EPHA6: variants seen among roughly 807,000 people sequenced by gnomAD.
The protein encoded by EPHA6 is EPH receptor A6.
A neutral mutation model predicts 112.0 loss-of-function variants in EPHA6; 50 were observed. That is an observed-to-expected ratio of 0.45 (90% CI 0.36 to 0.56). EPHA6 has a LOEUF of 0.56. EPHA6 is among the 20% of genes least tolerant of loss of function. EPHA6 has a pLI of 0.00. For synonymous variants in EPHA6, 529 were observed against 490.7 expected (o/e 1.08, Z -1.03); for missense variants, 1,280 against 1,417.4 (o/e 0.90, Z 1.56).
At chr3:96,936,807 T>C (rs1011351494) in intron 2 of EPHA6, among the ~76,000 whole-genome samples, 2 of 152,152 alleles carry the variant, frequency 1.3e-5, no homozygotes, top group Non-Finnish European at 2.9e-5. Context: ...CCCCTTCCTG[T>C]GTCCATGTGT....
intron 1 of EPHA6, among the ~76,000 whole-genome samples, chr3:96,824,822 A>G (rs1426512463): frequency 6.6e-6 from 1 of 152,050 alleles, no homozygotes; most frequent in African/African-American, 2.4e-5. Context: ...TATATTGGTC[A>G]TGACCATATG....
At chr3:97,651,431 A>C (rs749488463) in intron 14 of EPHA6, among the ~76,000 whole-genome samples, 46 of 152,064 alleles carry the variant, frequency 3.0e-4, no homozygotes, top group Admixed American at 1.2e-3. Context: ...AAGGATATCT[A>C]TAGCCTGGAT....
At chr3:96,831,947 G>T (rs1008518328) in intron 1 of EPHA6, among the ~76,000 whole-genome samples, 1 of 152,134 alleles carries the variant, frequency 6.6e-6, no homozygotes, top group South Asian at 2.1e-4. Flanking sequence ...TCTTCTCCTT[G>T]TATAACTCAG....
intron 8 of EPHA6, 85 bp from the exon 9 acceptor site, chr3:97,479,209 C>G: frequency 1.3e-6 from 1 of 743,574 alleles, no homozygotes; most frequent in Non-Finnish European, 2.0e-6. Flanking sequence ...GAAATTTGTT[C>G]ATAGATTATA....
In EPHA6 at chr3:97,708,852, G is replaced by A. The variant is rs149377452; in HGVS notation, c.2785-11409G>A. Among the ~76,000 whole-genome samples the A allele has an allele frequency of 5.9e-3, 906 of 152,346 alleles. 4 individuals are homozygous for A. The highest frequency in any genetic ancestry group is 9.6e-3 in the Non-Finnish European group (650 of 68,036). ...GGCCATTGCTTCAGAGGGTGCAAGC[G>A]TCAGGCCTTGGTGGCTTCCATGTGA... is the stretch of plus-strand genomic sequence containing the variant. On this transcript the variant is annotated intron_variant, in intron 14 of 17. Coordinates refer to ENST00000389672, the MANE Select transcript of EPHA6 (RefSeq NM_001080448.3).
chr3:97,632,081 T>C (rs2093907922), intron 13 of EPHA6, among the ~76,000 whole-genome samples: 1 of 152,058 alleles, frequency 6.6e-6, no homozygotes, highest in Admixed American at 6.6e-5. Flanking sequence ...TCCTCAAAAG[T>C]GGAGACGGCT....
intron 5 of EPHA6, among the ~76,000 whole-genome samples, chr3:97,401,950 A>G (rs772849126): frequency 4.0e-4 from 61 of 151,680 alleles, no homozygotes; most frequent in Non-Finnish European, 1.0e-4. Context: ...TTTAATTTCC[A>G]CGTGTTTGTG....
chr3:97,006,412 C>G (rs78865316), intron 3 of EPHA6, among the ~76,000 whole-genome samples: 1 of 152,120 alleles, frequency 6.6e-6, no homozygotes, highest in South Asian at 2.1e-4. Context: ...TTATAGTATT[C>G]TCCAATGGTG....
At chr3:97,269,268 C>T (rs1410561730) in intron 5 of EPHA6, among the ~76,000 whole-genome samples, 1 of 151,956 alleles carries the variant, frequency 6.6e-6, no homozygotes, top group African/African-American at 2.4e-5. Flanking sequence ...TTCATTGTTC[C>T]CCTTGCTCTT....
At chr3:96,968,076 T>TACA (rs2042190455) in intron 2 of EPHA6, among the ~76,000 whole-genome samples, 2 of 151,896 alleles carry the variant, frequency 1.3e-5, no homozygotes, top group African/African-American at 4.8e-5. Context: ...TTCTGTAGTT[T>TACA]ACAATGTAGT....
chr3:96,884,862 G>A (rs893208941), intron 2 of EPHA6, among the ~76,000 whole-genome samples: 3 of 152,136 alleles, frequency 2.0e-5, no homozygotes, highest in Non-Finnish European at 4.4e-5. Flanking sequence ...CTGTGGGTTT[G>A]TCATAGATGG....
intron 5 of EPHA6, among the ~76,000 whole-genome samples, chr3:97,246,677 G>T (rs2078995822): frequency 6.6e-6 from 1 of 151,342 alleles, no homozygotes; most frequent in Non-Finnish European, 1.5e-5. Flanking sequence ...TATTTTATTT[G>T]AAAGTACATA....
chr3:97,263,771 G>A (rs78319982), intron 5 of EPHA6, among the ~76,000 whole-genome samples: 3,804 of 152,150 alleles, frequency 0.025, 80 homozygotes, highest in South Asian at 0.049. Context: ...TGAGGTGTGC[G>A]TTGTTAGAGA....
At chr3:97,263,439 A>G (rs1370128453) in intron 5 of EPHA6, among the ~76,000 whole-genome samples, 1 of 136,006 alleles carries the variant, frequency 7.4e-6, no homozygotes, top group South Asian at 2.2e-4. Flanking sequence ...AAAGGGATAC[A>G]CACACACACA....
intron 7 of EPHA6, among the ~76,000 whole-genome samples, chr3:97,457,212 G>A (rs1344076644): frequency 1.3e-5 from 2 of 152,146 alleles, no homozygotes; most frequent in South Asian, 2.1e-4. Context: ...AGCAAGTACC[G>A]ATAGAATGAT....
intron 11 of EPHA6, among the ~76,000 whole-genome samples, chr3:97,579,585 A>G (rs1189155633): frequency 1.3e-5 from 2 of 152,180 alleles, no homozygotes; most frequent in Admixed American, 1.3e-4. Flanking sequence ...TATTGATGTC[A>G]TAGGGTGATT....
chr3:97,241,130 G>A (rs1909830), intron 4 of EPHA6, among the ~76,000 whole-genome samples: 30,679 of 150,612 alleles, frequency 0.2, 7,739 homozygotes, highest in African/African-American at 0.58. Context: ...ATTCTTTAAA[G>A]TTATAAAGTA....
chr3:97,244,498 T>C (rs2078932314), intron 5 of EPHA6: 4 of 558,054 alleles, frequency 7.2e-6, no homozygotes, highest in South Asian at 5.3e-5. Flanking sequence ...TAAGATGAAA[T>C]GCTTCCCTCC....
chr3:97,594,721 A>ATCGTGGCT, intron 12 of EPHA6, among the ~76,000 whole-genome samples: 1 of 152,332 alleles, frequency 6.6e-6, no homozygotes, highest in African/African-American at 2.4e-5. Flanking sequence ...ATTTTTTAAA[A>ATCGTGGCT]AAACTAAAGT....
Sources: gnomAD v4.1 joint callset for allele counts (sites outside exome capture counted in the v4.1 genomes callset) on GRCh38, gnomAD v4.1.1 for gene constraint, MANE v1.5 for transcripts, NCBI Gene and HGNC (gene_info 2026-07-23, HGNC 2026-07-21) for gene names.